MYO1E: variants seen among roughly 807,000 people sequenced by gnomAD.
MYO1E encodes the protein myosin IE.
A neutral mutation model predicts 151.1 loss-of-function variants in MYO1E; 68 were observed. The ratio of observed to expected loss-of-function variants is 0.45; its 90% CI spans 0.37 to 0.55. The LOEUF is 0.55. Among genes scored for constraint, MYO1E ranks in the 20% least tolerant of loss-of-function variants. The pLI, the probability that MYO1E is intolerant of heterozygous loss-of-function variation, is 0.00. For synonymous variants in MYO1E, 601 were observed against 501.7 expected, an observed-to-expected ratio of 1.20 and a Z score of -2.64; for missense variants, 1,363 against 1,389.3, an observed-to-expected ratio of 0.98 and a Z score of 0.30.
intron 8 of MYO1E, among the ~76,000 whole-genome samples, chr15:59,223,667 C>G (rs1437279264): frequency 1.4e-4 from 22 of 152,174 alleles, no homozygotes; most frequent in African/African-American, 5.3e-4. Flanking sequence ...TTCCCTTCAT[C>G]AGGAGGGATA....
intron 1 of MYO1E, among the ~76,000 whole-genome samples, chr15:59,286,771 A>G (rs1390305900): frequency 6.6e-6 from 1 of 152,146 alleles, no homozygotes; most frequent in African/African-American, 2.4e-5. Context: ...GGCTTGCCTG[A>G]TCTGCTCTGA....
In MYO1E at chr15:59,314,807, G is replaced by A. The variant is rs149169129; in HGVS notation, c.4-42358C>T. The stretch of plus-strand genomic sequence containing the variant: ...AATAACTCTCTGGCCTAAAATGTCA[G>A]CAGTGTCAATGTTGTAAAACCCTGG... On this transcript the variant is annotated intron_variant, in intron 1 of 27. Transcript: ENST00000288235. Among the ~76,000 whole-genome samples the A allele has an allele frequency of 1.2e-3, 183 of 152,254 alleles. 4 individuals carry two copies. In the East Asian group the frequency reaches 0.029, roughly 24 times the overall value.
chr15:59,295,185 G>A (rs139606308), intron 1 of MYO1E, among the ~76,000 whole-genome samples: 16 of 152,170 alleles, frequency 1.1e-4, no homozygotes, highest in African/African-American at 3.9e-4. Context: ...GTCATCCTAG[G>A]AGGCTTCAGG....
intron 12 of MYO1E, among the ~76,000 whole-genome samples, chr15:59,213,299 T>G (rs945229550): frequency 4.9e-4 from 75 of 151,986 alleles, no homozygotes; most frequent in African/African-American, 1.7e-3. Flanking sequence ...GCCCCCTGAG[T>G]AGCTGGGTCT....
chr15:59,140,170 C>T (rs1280066194), intron 26 of MYO1E, among the ~76,000 whole-genome samples: 1 of 152,200 alleles, frequency 6.6e-6, no homozygotes, highest in African/African-American at 2.4e-5. Flanking sequence ...ACTCCCTTCA[C>T]CCCACTGTCA....
chr15:59,151,224 G>A (rs112385549), intron 26 of MYO1E, among the ~76,000 whole-genome samples: 79 of 151,540 alleles, frequency 5.2e-4, no homozygotes, highest in African/African-American at 1.8e-3. Context: ...TCAAGAGATC[G>A]AGACCATCCT....
intron 1 of MYO1E, among the ~76,000 whole-genome samples, chr15:59,306,785 C>G (rs1365552431): frequency 6.6e-6 from 1 of 152,214 alleles, no homozygotes; most frequent in South Asian, 2.1e-4. Context: ...GGGACTGACA[C>G]GTTATCAACA....
chr15:59,296,172 G>A (rs763971042), intron 1 of MYO1E, among the ~76,000 whole-genome samples: 7 of 152,218 alleles, frequency 4.6e-5, no homozygotes, highest in Non-Finnish European at 8.8e-5. Context: ...ACATCACGCT[G>A]TGGATAAAGG....
At chr15:59,202,254 G>A (rs896817321) in intron 16 of MYO1E, 72 bp downstream of exon 16, 6 of 1,327,654 alleles carry the variant, frequency 4.5e-6, no homozygotes, top group African/African-American at 4.3e-5. Context: ...CCTGGCCCAG[G>A]GGTGCAGTTC....
chr15:59,316,308 A>C (rs2080588419), intron 1 of MYO1E, among the ~76,000 whole-genome samples: 1 of 152,200 alleles, frequency 6.6e-6, no homozygotes, highest in South Asian at 2.1e-4. Flanking sequence ...AAAGTCCTTG[A>C]CAGCAGAGTG....
intron 6 of MYO1E, among the ~76,000 whole-genome samples, chr15:59,230,279 C>G (rs2080020277): frequency 6.7e-6 from 1 of 150,286 alleles, no homozygotes; most frequent in African/African-American, 2.4e-5. Flanking sequence ...TCTGAATTGT[C>G]TCTTCCAATC....
intron 7 of MYO1E, among the ~76,000 whole-genome samples, chr15:59,225,298 T>C (rs11071415): frequency 0.96 from 145,997 of 152,266 alleles, 70,306 homozygotes; most frequent in East Asian, 1. Context: ...ACATAACCAC[T>C]TGCATTCTAG....
Position 59,217,943 on chromosome 15 carries a change from C to T in MYO1E, c.1055G>A (p.Arg352Gln), listed in dbSNP as rs775415020. 14 of 1,614,198 alleles carry T rather than the reference C, an allele frequency of 8.7e-6. No homozygotes were observed. The highest frequency in any genetic ancestry group is 6.7e-5 in the African/African-American group (5 of 75,048). Residue 352 changes from arginine to glutamine, a missense_variant, in exon 10 of 28, where the codon CGG becomes CAG. By Grantham distance (43) the Arg-to-Gln change is conservative. Transcript: ENST00000288235. ...GTGCAGGGCCTTGGCGAGCGCATCC[C>T]GGGTGTAACAGGCCTGCTCTACGTT... ...TLNVEQACYT[R>Q]DALAKALHAR...
At chr15:59,309,139 C>G (rs536049670) in intron 1 of MYO1E, among the ~76,000 whole-genome samples, 3 of 151,926 alleles carry the variant, frequency 2.0e-5, no homozygotes, top group African/African-American at 4.8e-5. Flanking sequence ...AGAAAAAAAC[C>G]TGGAAGAAAG....
chr15:59,206,439 T>C (rs143482969), intron 14 of MYO1E, among the ~76,000 whole-genome samples: 94 of 152,232 alleles, frequency 6.2e-4, no homozygotes, highest in Non-Finnish European at 1.2e-3. Flanking sequence ...CCTTTCAAAA[T>C]AGGCCTCCAG....
intron 19 of MYO1E, among the ~76,000 whole-genome samples, chr15:59,177,261 G>A (rs1388925511): frequency 7.3e-6 from 1 of 137,542 alleles, no homozygotes; most frequent in Admixed American, 7.9e-5. Flanking sequence ...TGTCATAAAT[G>A]GGTTCCATCT....
At chr15:59,311,172 A>C in intron 1 of MYO1E, among the ~76,000 whole-genome samples, 1 of 152,098 alleles carries the variant, frequency 6.6e-6, no homozygotes, top group East Asian at 1.9e-4. Context: ...CTTACTCTAG[A>C]ACAGCAGTCT....
chr15:59,158,261 C>A, intron 25 of MYO1E, 26 bp downstream of exon 25: 1 of 1,517,768 alleles, frequency 6.6e-7, no homozygotes, highest in East Asian at 2.4e-5. Context: ...TTAGTGGTCC[C>A]AGACTACGGT....
chr15:59,274,559 A>G (rs2080307169), intron 1 of MYO1E, among the ~76,000 whole-genome samples: 1 of 152,188 alleles, frequency 6.6e-6, no homozygotes. Flanking sequence ...TAGACATCTA[A>G]AAATGGAAGC....
Sources: allele counts gnomAD v4.1 joint callset (sites outside exome capture counted in the v4.1 genomes callset), GRCh38; gene constraint gnomAD v4.1.1; transcripts MANE v1.5; gene names NCBI Gene and HGNC (gene_info 2026-07-23, HGNC 2026-07-21).